RBPMS2: variants seen among roughly 807,000 people sequenced by gnomAD.
RBPMS2 encodes RNA binding protein, mRNA processing factor 2, also known as RNA-binding protein with multiple splicing 2.
RBPMS2 carries 14 observed loss-of-function variants against 25.7 expected under a neutral mutation model. The observed-to-expected ratio is 0.55, with a 90% confidence interval of 0.36 to 0.85. RBPMS2 has a LOEUF of 0.85. Among genes scored for constraint, RBPMS2 ranks in the 40% least tolerant of loss-of-function variants. The pLI is 0.01. For synonymous variants in RBPMS2, 127 were observed against 115.6 expected, an observed-to-expected ratio of 1.10 and a Z score of -0.63; for missense variants, 252 against 283.4, an observed-to-expected ratio of 0.89 and a Z score of 0.80.
intron 1 of RBPMS2, among the ~76,000 whole-genome samples, chr15:64,772,892 G>A (rs1453560819): frequency 1.3e-5 from 2 of 152,136 alleles, no homozygotes; most frequent in East Asian, 1.9e-4. Context: ...AACTTAATGC[G>A]TATGACATGG....
At chr15:64,757,745 G>T (rs1210706905) in intron 1 of RBPMS2, among the ~76,000 whole-genome samples, 1 of 152,110 alleles carries the variant, frequency 6.6e-6, no homozygotes. Context: ...CCTACGTCAG[G>T]GTAACAGGGG....
chr15:64,754,388 G>A (rs1488482675), intron 1 of RBPMS2, among the ~76,000 whole-genome samples: 1 of 152,114 alleles, frequency 6.6e-6, no homozygotes, highest in Non-Finnish European at 1.5e-5. Flanking sequence ...GAGGTGGGTG[G>A]ATCACTTGAG....
chr15:64,757,852 TG>T (rs1358320620), intron 1 of RBPMS2, among the ~76,000 whole-genome samples: 1 of 152,044 alleles, frequency 6.6e-6, no homozygotes, highest in Non-Finnish European at 1.5e-5. Flanking sequence ...GGAAGGCACC[TG>T]AAGTCTGAGC....
intron 1 of RBPMS2, among the ~76,000 whole-genome samples, chr15:64,766,727 C>T (rs536932168): frequency 6.6e-6 from 1 of 152,052 alleles, no homozygotes; most frequent in South Asian, 2.1e-4. Flanking sequence ...GACTGGGTTT[C>T]ACCGTGTTAG....
At chr15:64,751,148 C>T (rs1458681139) in intron 2 of RBPMS2, among the ~76,000 whole-genome samples, 1 of 151,842 alleles carries the variant, frequency 6.6e-6, no homozygotes, top group South Asian at 2.1e-4. Flanking sequence ...GCCTGACCAA[C>T]ATGGTGAAAC....
chr15:64,772,690 G>A (rs891995266), intron 1 of RBPMS2, among the ~76,000 whole-genome samples: 1 of 152,060 alleles, frequency 6.6e-6, no homozygotes, highest in African/African-American at 2.4e-5. Context: ...GTCTAACCTT[G>A]CTCCTCCTAC....
chr15:64,761,259 A>G (rs1368745331), intron 1 of RBPMS2: 2 of 152,144 alleles, frequency 1.3e-5, no homozygotes, highest in Admixed American at 1.3e-4. Context: ...GAAATCCAAA[A>G]AGGGAAAAAC....
intron 1 of RBPMS2, among the ~76,000 whole-genome samples, chr15:64,773,769 G>A (rs985371425): frequency 6.6e-6 from 1 of 151,960 alleles, no homozygotes; most frequent in African/African-American, 2.4e-5. Context: ...CCACAGCAGG[G>A]GGCCAAGCAG....
At chr15:64,742,861 G>A (rs563152042) in intron 6 of RBPMS2, among the ~76,000 whole-genome samples, 10 of 152,170 alleles carry the variant, frequency 6.6e-5, no homozygotes, top group South Asian at 2.1e-4. Context: ...ATGCCAGGCC[G>A]TCTGGGGGCT....
intron 1 of RBPMS2, among the ~76,000 whole-genome samples, chr15:64,759,210 C>T (rs915748452): frequency 4.6e-5 from 7 of 152,166 alleles, no homozygotes; most frequent in African/African-American, 1.4e-4. Context: ...CTGGGTGGCA[C>T]AGGAAGTAGA....
Position 64,750,331 on chromosome 15 carries a change from G to A in RBPMS2, c.204+12C>T. On this transcript the variant is annotated intron_variant, in intron 3 of 7. Transcript: ENST00000300069. ...TGGGCTGGGAGGAAGAAAACCCTAG[G>A]AGAGAAATTACCTGTCTTGCAGTGA... The A allele has an allele frequency of 6.2e-7, 1 of 1,612,378 alleles. No homozygotes were observed. The highest frequency in any genetic ancestry group is 8.5e-7 in the Non-Finnish European group (1 of 1,178,430).
rs1567064409 is a variant in RBPMS2, at chr15:64,749,156, T to C, written c.268-6A>G. ...TCGGGATCAAAGCGAATACCCTACATGGGTAGAGAAAAGAAGAGAAAGGCT... is the reference window on the plus strand; with the variant it reads ...TCGGGATCAAAGCGAATACCCTACACGGGTAGAGAAAAGAAGAGAAAGGCT... On this transcript the variant is annotated splice_region_variant and splice_polypyrimidine_tract_variant and intron_variant, in intron 4 of 7. Transcript: ENST00000300069. The C allele has an allele frequency of 1.2e-6, 2 of 1,613,540 alleles. No homozygotes were observed. Among genetic ancestry groups the C allele is most frequent in the African/African-American group, 1.3e-5 (1 of 74,946 alleles).
intron 5 of RBPMS2, 111 bp from the exon 6 acceptor site, chr15:64,748,678 C>G: frequency 1.5e-6 from 2 of 1,299,708 alleles, no homozygotes; most frequent in Non-Finnish European, 2.1e-6. Context: ...GAGGCCAGAC[C>G]ACCCCCAACC....
chr15:64,762,302 TC>T, intron 1 of RBPMS2: 1 of 488,558 alleles, frequency 2.0e-6, no homozygotes, highest in Admixed American at 2.2e-5. Context: ...GACTGTCAAC[TC>T]CCCACAGCTG....
In RBPMS2 at chr15:64,740,925, C is replaced by CG. The variant is rs569380763; in HGVS notation, c.*82dup. The CG allele has an allele frequency of 6.3e-5, 28 of 447,146 alleles. No individual in the cohort carries two copies. Among genetic ancestry groups the CG allele is most frequent in the Non-Finnish European group, 1.1e-4 (26 of 243,518 alleles). 27.7% of individuals were successfully genotyped at this position (447,146 alleles called of 1,614,324 possible). On this transcript the variant is annotated 3_prime_UTR_variant, in exon 8 of 8. Transcript: ENST00000300069. ...GGGCAGCAGCTCTGTGCAGGCCGCC[C>CG]GGGGGCAGTGGGAACTCGGGGCGCC... is the stretch of plus-strand genomic sequence containing the variant.
chr15:64,748,687 C>A, intron 5 of RBPMS2, 120 bp from the exon 6 acceptor site: 2 of 1,216,962 alleles, frequency 1.6e-6, no homozygotes, highest in Middle Eastern at 2.0e-4. Flanking sequence ...CCACCCCCAA[C>A]CACAGAGGAC....
At chr15:64,773,350 A>G (rs1261224890) in intron 1 of RBPMS2, among the ~76,000 whole-genome samples, 2 of 152,218 alleles carry the variant, frequency 1.3e-5, no homozygotes, top group African/African-American at 4.8e-5. Flanking sequence ...TTACCAGACC[A>G]GACAGACACT....
At position 64,744,348 on chromosome 15, in the gene RBPMS2, C is replaced by A. The variant is rs1043183507; in HGVS notation, c.568-3106G>T. ...CCGAGGCGGACGGATCACCTGAGGT[C>A]GAGAGTTCGAGACCAGCCTGACCAA... On this transcript the variant is annotated intron_variant, in intron 6 of 7. Coordinates refer to ENST00000300069, the MANE Select transcript of RBPMS2 (RefSeq NM_194272.3). Among the ~76,000 whole-genome samples the A allele has an allele frequency of 5.3e-5, 8 of 151,736 alleles. No homozygotes were observed. In the East Asian group the frequency reaches 1.5e-3, roughly 29 times the overall value.
chr15:64,751,878 G>A (rs1309036912), intron 1 of RBPMS2, among the ~76,000 whole-genome samples: 5 of 152,022 alleles, frequency 3.3e-5, no homozygotes, highest in Admixed American at 3.3e-4. Context: ...GGATGCCTCT[G>A]CACACAGACT....
Sources: allele counts gnomAD v4.1 joint callset (sites outside exome capture counted in the v4.1 genomes callset), GRCh38; gene constraint gnomAD v4.1.1; transcripts MANE v1.5; gene names NCBI Gene and HGNC (gene_info 2026-07-23, HGNC 2026-07-21).